Variants in FOXJ3 observed in about 807,000 individuals in gnomAD.
FOXJ3 encodes the protein forkhead box J3.
Under a neutral mutation model 76.1 loss-of-function variants are expected in FOXJ3, and 22 were observed. That is an observed-to-expected ratio of 0.29 (90% CI 0.21 to 0.41). FOXJ3 has a LOEUF of 0.41. Among genes scored for constraint, FOXJ3 ranks in the 10% least tolerant of loss-of-function variants. The pLI, the probability that FOXJ3 is intolerant of heterozygous loss-of-function variation, is 1.00. For missense variants in FOXJ3, 613 were observed against 762.1 expected, an observed-to-expected ratio of 0.80 and a Z score of 2.30; for synonymous variants, 269 against 261.2, an observed-to-expected ratio of 1.03 and a Z score of -0.29.
intron 2 of FOXJ3, among the ~76,000 whole-genome samples, chr1:42,286,853 C>T (rs1653089396): frequency 6.6e-6 from 1 of 151,220 alleles, no homozygotes; most frequent in Admixed American, 6.6e-5. Context: ...AGGCTGGTGT[C>T]GAACTCCTGA....
intron 5 of FOXJ3, among the ~76,000 whole-genome samples, chr1:42,223,701 T>C (rs540446637): frequency 6.6e-6 from 1 of 152,372 alleles, no homozygotes; most frequent in African/African-American, 2.4e-5. Flanking sequence ...CTCTGTCATT[T>C]ATAATCACAT....
intron 5 of FOXJ3, among the ~76,000 whole-genome samples, chr1:42,209,095 G>C (rs1334295522): frequency 6.6e-6 from 1 of 152,182 alleles, no homozygotes; most frequent in East Asian, 1.9e-4. Context: ...CAAATAGGAA[G>C]CAATGAAGTG....
At chr1:42,324,188 AAT>A (rs1655671450) in intron 1 of FOXJ3, among the ~76,000 whole-genome samples, 2 of 15,484 alleles carry the variant, frequency 1.3e-4, no homozygotes, top group African/African-American at 1.7e-4. Context: ...AAATTCTAGG[AAT>A]ATATATACTA....
At chr1:42,202,631 G>A (rs761688802) in intron 6 of FOXJ3, among the ~76,000 whole-genome samples, 3 of 152,066 alleles carry the variant, frequency 2.0e-5, no homozygotes, top group Non-Finnish European at 4.4e-5. Flanking sequence ...ACGTATTGTA[G>A]GTTTCTATCA....
intron 2 of FOXJ3, among the ~76,000 whole-genome samples, chr1:42,280,770 C>T (rs1251814377): frequency 1.3e-5 from 2 of 152,162 alleles, no homozygotes; most frequent in Non-Finnish European, 2.9e-5. Context: ...ATAGTTCCCA[C>T]CTCACTGATG....
At position 42,263,930 on chromosome 1, in the gene FOXJ3, C is replaced by CTTT. The variant is rs61375062; in HGVS notation, c.444+1182_444+1184dup. Reference sequence around the variant, plus strand: ...AAAAGAGACCATATGAGTAGGTTAACTTTTTTTTTTTTTTTTTTTTTTTTT... The same window carrying CTTT: ...AAAAGAGACCATATGAGTAGGTTAACTTTTTTTTTTTTTTTTTTTTTTTTTTTT... On this transcript the variant is annotated intron_variant, in intron 4 of 12. Transcript: ENST00000361346. Among the ~76,000 whole-genome samples, 104 of 71,452 alleles carry CTTT rather than the reference C, an allele frequency of 1.5e-3. 4 individuals are homozygous for CTTT. Among genetic ancestry groups the CTTT allele is most frequent in the African/African-American group, 4.8e-3 (96 of 20,086 alleles). The allele number at this position is 71,452 out of a possible 152,430, so 46.9% of individuals were successfully genotyped here. A position where few individuals can be genotyped will look rare whatever the true frequency, so the allele number is the denominator to read the frequency against.
At chr1:42,291,041 GAT>G (rs1653385921) in intron 2 of FOXJ3, among the ~76,000 whole-genome samples, 1 of 113,656 alleles carries the variant, frequency 8.8e-6, no homozygotes, top group East Asian at 2.6e-4. Flanking sequence ...TAGATAGATA[GAT>G]AGATAGATAG....
intron 1 of FOXJ3, among the ~76,000 whole-genome samples, chr1:42,330,500 T>A (rs1656093609): frequency 6.6e-6 from 1 of 152,080 alleles, no homozygotes; most frequent in East Asian, 1.9e-4. Context: ...TAGCTGAGCA[T>A]GGTGGCGCGC....
chr1:42,182,597 G>A (rs1372668188), intron 11 of FOXJ3, among the ~76,000 whole-genome samples: 2 of 151,624 alleles, frequency 1.3e-5, no homozygotes, highest in Non-Finnish European at 1.5e-5. Context: ...TCCTGGGTTC[G>A]GGCGATTCTC....
intron 9 of FOXJ3, 99 bp downstream of exon 9, chr1:42,191,204 A>G: frequency 2.7e-6 from 3 of 1,098,362 alleles, no homozygotes; most frequent in Non-Finnish European, 2.6e-6. Context: ...AAACAGATGT[A>G]AAGAGGTTTT....
intron 11 of FOXJ3, among the ~76,000 whole-genome samples, chr1:42,184,185 T>C (rs1439274014): frequency 6.6e-6 from 1 of 152,104 alleles, no homozygotes; most frequent in Non-Finnish European, 1.5e-5. Flanking sequence ...ATAGGGTCAC[T>C]CATATACCCA....
chr1:42,315,377 T>C, intron 1 of FOXJ3: 1 of 978,264 alleles, frequency 1.0e-6, no homozygotes. Context: ...TTAAAGGTAC[T>C]GTCTTGCTTC....
intron 8 of FOXJ3, among the ~76,000 whole-genome samples, chr1:42,193,596 A>C (rs1163443975): frequency 1.3e-5 from 2 of 152,180 alleles, no homozygotes; most frequent in Non-Finnish European, 1.5e-5. Context: ...TCTTACTTTA[A>C]ACTCAAATAC....
rs540513704 is a variant in FOXJ3 at position 42,324,333 on chromosome 1, T to C, written c.-18+10726A>G. On this transcript the variant is annotated intron_variant, in intron 1 of 12. Coordinates refer to ENST00000361346, the MANE Select transcript of FOXJ3 (RefSeq NM_014947.5). The stretch of plus-strand genomic sequence containing the variant: ...CTATATATACACGAGATATATAACA[T>C]ATACACTATATACTATACATAACAT... Among the ~76,000 whole-genome samples, 4 of 128,470 alleles carry C rather than the reference T, an allele frequency of 3.1e-5. No homozygotes were observed. In the South Asian group the frequency reaches 9.7e-4, roughly 31 times the overall value. The allele number at this position is 128,470 out of a possible 152,430, so 84.3% of individuals were successfully genotyped here.
intron 1 of FOXJ3, chr1:42,323,797 GA>G (rs917301023): frequency 3.4e-5 from 18 of 527,068 alleles, no homozygotes; most frequent in African/African-American, 4.1e-5. Flanking sequence ...AAAGAAGGCA[GA>G]CTAGGTCTCT....
chr1:42,185,632 A>G (rs1010527162), intron 11 of FOXJ3, among the ~76,000 whole-genome samples: 3 of 152,108 alleles, frequency 2.0e-5, no homozygotes, highest in Admixed American at 1.3e-4. Context: ...CCCAATACAA[A>G]GCTAGACACA....
intron 3 of FOXJ3, among the ~76,000 whole-genome samples, chr1:42,273,567 C>T (rs1453267856): frequency 1.3e-5 from 2 of 148,698 alleles, no homozygotes; most frequent in Non-Finnish European, 3.0e-5. Context: ...CCCTGCTACT[C>T]GGGAGGCTGA....
intron 2 of FOXJ3, among the ~76,000 whole-genome samples, chr1:42,284,972 GAT>G (rs936856453): frequency 1.3e-5 from 2 of 152,060 alleles, no homozygotes; most frequent in African/African-American, 4.8e-5. Flanking sequence ...GACTTTCTTA[GAT>G]TTGTCACTAG....
At chr1:42,323,418 G>A (rs964521776) in intron 1 of FOXJ3, among the ~76,000 whole-genome samples, 10 of 152,182 alleles carry the variant, frequency 6.6e-5, no homozygotes, top group South Asian at 2.1e-4. Flanking sequence ...ATACAACAAC[G>A]AACAGTTTTA....
Sources: gnomAD v4.1 joint callset for allele counts (sites outside exome capture counted in the v4.1 genomes callset) on GRCh38, gnomAD v4.1.1 for gene constraint, MANE v1.5 for transcripts, NCBI Gene and HGNC (gene_info 2026-07-23, HGNC 2026-07-21) for gene names.